VEPH1: variants seen among roughly 807,000 people sequenced by gnomAD.
The protein encoded by VEPH1 is ventricular zone expressed PH domain containing 1.
VEPH1 carries 80 observed loss-of-function variants against 85.2 expected under a neutral mutation model. That is an observed-to-expected ratio of 0.94 (90% CI 0.78 to 1.13). The LOEUF (loss-of-function observed/expected upper bound fraction) is 1.13, where lower values mean the gene tolerates loss of function less well. Among genes scored for constraint, VEPH1 ranks in the 50% most tolerant of loss-of-function variants. VEPH1 has a pLI of 0.00. For missense variants in VEPH1, 955 were observed against 980.5 expected (o/e 0.97, Z 0.35); for synonymous variants, 297 against 348.0 (o/e 0.85, Z 1.63).
intron 4 of VEPH1, among the ~76,000 whole-genome samples, chr3:157,456,721 T>C (rs553925359): frequency 2.0e-5 from 3 of 152,134 alleles, no homozygotes; most frequent in Admixed American, 6.6e-5. Flanking sequence ...TTCTGTTCTA[T>C]TGGTCTATGC....
chr3:157,444,900 C>G (rs1208021884), intron 4 of VEPH1, among the ~76,000 whole-genome samples: 1 of 152,160 alleles, frequency 6.6e-6, no homozygotes, highest in African/African-American at 2.4e-5. Context: ...GCTAGGAGTT[C>G]TAGGGACTTC....
At chr3:157,328,789 T>TA (rs893291699) in intron 9 of VEPH1, among the ~76,000 whole-genome samples, 21 of 152,230 alleles carry the variant, frequency 1.4e-4, no homozygotes, top group Non-Finnish European at 2.8e-4. Context: ...GGCAGGAAGA[T>TA]AAAAAAAGCT....
rs558324739 is a variant in VEPH1, at chr3:157,361,560, G to A, written c.1735+1804C>T. On this transcript the variant is annotated intron_variant, in intron 9 of 13. Transcript: ENST00000362010. ...TGAGCTGTCTGGCTTTTTCTATGAGGGCTGTAGCCTACAAGATGGCAGATC... is the reference window on the plus strand; with the variant it reads ...TGAGCTGTCTGGCTTTTTCTATGAGAGCTGTAGCCTACAAGATGGCAGATC... Among the ~76,000 whole-genome samples, 35 of 152,272 alleles carry A rather than the reference G, an allele frequency of 2.3e-4. 1 individual carries two copies. Among genetic ancestry groups the A allele is most frequent in the Admixed American group, 2.1e-3 (32 of 15,296 alleles).
At chr3:157,383,037 C>T (rs541514664) in intron 6 of VEPH1, among the ~76,000 whole-genome samples, 3 of 152,108 alleles carry the variant, frequency 2.0e-5, no homozygotes, top group East Asian at 1.9e-4. Flanking sequence ...AGGGTCTCAC[C>T]GTGTTGCCCA....
chr3:157,489,072 G>C (rs1400839361), intron 2 of VEPH1: 2 of 455,198 alleles, frequency 4.4e-6, no homozygotes, highest in Non-Finnish European at 8.8e-6. Flanking sequence ...ACTGCTCCAT[G>C]ATGGTCAGAA....
chr3:157,422,587 G>T (rs780052263), intron 5 of VEPH1, among the ~76,000 whole-genome samples: 2 of 152,092 alleles, frequency 1.3e-5, no homozygotes, highest in African/African-American at 2.4e-5. Flanking sequence ...GGGGACCTCT[G>T]CTCTAGGTGA....
At chr3:157,437,725 A>C in intron 4 of VEPH1, 1 of 1,525,036 alleles carries the variant, frequency 6.6e-7, no homozygotes, top group Non-Finnish European at 8.8e-7. Context: ...CAGGCTGACC[A>C]GTGCTCTGGA....
At chr3:157,473,006 T>C (rs917075488) in intron 2 of VEPH1, among the ~76,000 whole-genome samples, 1 of 152,062 alleles carries the variant, frequency 6.6e-6, no homozygotes, top group Non-Finnish European at 1.5e-5. Context: ...CTTTTTGTTG[T>C]TGTTAACAAA....
At chr3:157,395,230 C>T (rs1730252497) in intron 6 of VEPH1, among the ~76,000 whole-genome samples, 1 of 152,194 alleles carries the variant, frequency 6.6e-6, no homozygotes, top group Non-Finnish European at 1.5e-5. Flanking sequence ...GTAGGAAAGG[C>T]AAATCCATAT....
intron 4 of VEPH1, among the ~76,000 whole-genome samples, chr3:157,434,657 T>C (rs1733414960): frequency 1.3e-5 from 2 of 152,156 alleles, no homozygotes; most frequent in African/African-American, 4.8e-5. Flanking sequence ...CTGGAAAATG[T>C]GTTTCATTAA....
chr3:157,501,001 C>T (rs965754997), intron 1 of VEPH1, among the ~76,000 whole-genome samples: 9 of 152,172 alleles, frequency 5.9e-5, no homozygotes, highest in African/African-American at 2.2e-4. Flanking sequence ...ATGGCAACCA[C>T]AGAAAAAGTG....
At chr3:157,294,804 T>C (rs1435152119) in intron 11 of VEPH1, among the ~76,000 whole-genome samples, 2 of 152,220 alleles carry the variant, frequency 1.3e-5, no homozygotes, top group African/African-American at 4.8e-5. Flanking sequence ...AAACAAGCTT[T>C]AGAAGTAAAT....
At chr3:157,387,693 C>T (rs1236994019) in intron 6 of VEPH1, among the ~76,000 whole-genome samples, 1 of 152,214 alleles carries the variant, frequency 6.6e-6, no homozygotes, top group African/African-American at 2.4e-5. Flanking sequence ...TCAGTGCTGT[C>T]CTCCTTGTGA....
At chr3:157,323,078 A>G (rs1306684008) in intron 9 of VEPH1, among the ~76,000 whole-genome samples, 1 of 152,230 alleles carries the variant, frequency 6.6e-6, no homozygotes, top group African/African-American at 2.4e-5. Flanking sequence ...GACCACTTGT[A>G]AAACTTTGAT....
At chr3:157,351,464 G>A in intron 9 of VEPH1, among the ~76,000 whole-genome samples, 1 of 149,122 alleles carries the variant, frequency 6.7e-6, no homozygotes. Context: ...AAAGTGCTGG[G>A]ATTACAGGCG....
At chr3:157,487,174 GAAATT>G (rs1379457971) in intron 2 of VEPH1, among the ~76,000 whole-genome samples, 1 of 151,842 alleles carries the variant, frequency 6.6e-6, no homozygotes, top group Non-Finnish European at 1.5e-5. Context: ...GACTTAAAAA[GAAATT>G]AATAAGATTT....
At chr3:157,265,718 G>T in intron 12 of VEPH1, 56 bp from the exon 13 acceptor site, 1 of 1,586,786 alleles carries the variant, frequency 6.3e-7, no homozygotes, top group Non-Finnish European at 8.6e-7. Context: ...TACTAGGTAG[G>T]TGATCAAAAG....
intron 9 of VEPH1, among the ~76,000 whole-genome samples, chr3:157,333,687 G>C (rs1015110710): frequency 5.9e-5 from 9 of 152,318 alleles, no homozygotes; most frequent in Admixed American, 1.3e-4. Flanking sequence ...AAGTTGTACA[G>C]AGGCAAATAA....
chr3:157,356,153 C>A (rs1317628654), intron 9 of VEPH1, among the ~76,000 whole-genome samples: 1 of 152,110 alleles, frequency 6.6e-6, no homozygotes, highest in Non-Finnish European at 1.5e-5. Flanking sequence ...CCCACCTCGG[C>A]TTTCCAGTGT....
Sources: allele counts gnomAD v4.1 joint callset (sites outside exome capture counted in the v4.1 genomes callset), GRCh38; gene constraint gnomAD v4.1.1; transcripts MANE v1.5; gene names NCBI Gene and HGNC (gene_info 2026-07-23, HGNC 2026-07-21).